Variants in LDLRAD4 observed in about 807,000 individuals in gnomAD.
The protein encoded by LDLRAD4 is low-density lipoprotein receptor class A domain-containing protein 4.
In LDLRAD4, 5 loss-of-function variants were observed where a neutral mutation model predicts 17.0. The observed-to-expected ratio is 0.29, with a 90% CI of 0.15 to 0.62. The LOEUF (loss-of-function observed/expected upper bound fraction) is 0.62, where lower values mean the gene tolerates loss of function less well. Among genes scored for constraint, LDLRAD4 ranks in the 20% least tolerant of loss-of-function variants. LDLRAD4 has a pLI of 0.84. For synonymous variants in LDLRAD4, 168 were observed against 171.8 expected (o/e 0.98, Z 0.17); for missense variants, 340 against 424.7 (o/e 0.80, Z 1.75).
intron 3 of LDLRAD4, among the ~76,000 whole-genome samples, chr18:13,585,011 C>T (rs1284402): frequency 0.93 from 141,299 of 152,302 alleles, 65,579 homozygotes; most frequent in East Asian, 1. Flanking sequence ...ATCTTACACG[C>T]GTCTGAGCTG....
At chr18:13,502,466 G>A (rs1568265906) in intron 3 of LDLRAD4, among the ~76,000 whole-genome samples, 1 of 152,216 alleles carries the variant, frequency 6.6e-6, no homozygotes, top group Non-Finnish European at 1.5e-5. Context: ...TATGAAGTTC[G>A]TACAAGGCAC....
At chr18:13,462,751 G>A (rs2092474631) in intron 3 of LDLRAD4, among the ~76,000 whole-genome samples, 2 of 152,194 alleles carry the variant, frequency 1.3e-5, no homozygotes, top group South Asian at 2.1e-4. Context: ...GGGCGGAGCA[G>A]GGACAGCAAG....
intron 1 of LDLRAD4, among the ~76,000 whole-genome samples, chr18:13,334,648 T>C (rs2082020878): frequency 6.6e-6 from 1 of 152,224 alleles, no homozygotes; most frequent in African/African-American, 2.4e-5. Flanking sequence ...ACAAAGACAG[T>C]TTTATTTCTT....
intron 1 of LDLRAD4, among the ~76,000 whole-genome samples, chr18:13,262,786 G>T (rs1183734824): frequency 1.1e-5 from 1 of 94,932 alleles, no homozygotes; most frequent in Non-Finnish European, 1.9e-5. Flanking sequence ...AGTCCCGTGC[G>T]GCTCTGTGCG....
At chr18:13,339,609 TG>T (rs144329087) in intron 1 of LDLRAD4, among the ~76,000 whole-genome samples, 10,610 of 152,272 alleles carry the variant, frequency 0.07, 988 homozygotes, top group African/African-American at 0.21. Context: ...GTAATGCTGA[TG>T]TTTTTGCTTT....
intron 1 of LDLRAD4, among the ~76,000 whole-genome samples, chr18:13,270,447 A>G (rs1446654008): frequency 6.6e-6 from 1 of 152,198 alleles, no homozygotes; most frequent in Non-Finnish European, 1.5e-5. Context: ...GGCCGGGTCG[A>G]GAGGGCAAAG....
intron 3 of LDLRAD4, among the ~76,000 whole-genome samples, chr18:13,457,816 C>A (rs554387540): frequency 7.2e-5 from 11 of 152,296 alleles, no homozygotes; most frequent in African/African-American, 2.6e-4. Flanking sequence ...GTGCAGTGTG[C>A]TTATTTCAGT....
At chr18:13,629,476 A>T (rs1444866568) in intron 4 of LDLRAD4, among the ~76,000 whole-genome samples, 1 of 152,210 alleles carries the variant, frequency 6.6e-6, no homozygotes, top group Admixed American at 6.5e-5. Context: ...CTGTGCAGTA[A>T]AACTTTTATG....
chr18:13,495,791 G>A lies in LDLRAD4; in HGVS notation c.181+57407G>A, dbSNP rs561491371. The stretch of plus-strand genomic sequence containing the variant: ...TGTACTGAGATGGCGACTGAAACTC[G>A]GAGGATTGTTTCTCTGCCTGGATCA... On this transcript the variant is annotated intron_variant, in intron 3 of 5. Coordinates refer to ENST00000359446, the Ensembl canonical transcript of LDLRAD4. 5.3e-5 allele frequency among the ~76,000 whole-genome samples: 8 copies of A among 152,284 alleles called. No individual in the cohort carries two copies. In the East Asian group the frequency reaches 9.7e-4, roughly 18 times the overall value.
At chr18:13,494,963 G>A (rs1036898360) in intron 3 of LDLRAD4, among the ~76,000 whole-genome samples, 5 of 151,854 alleles carry the variant, frequency 3.3e-5, no homozygotes, top group South Asian at 4.2e-4. Flanking sequence ...AGCGAACCCC[G>A]TTTGCCTTCA....
chr18:13,354,007 T>C lies in LDLRAD4; in HGVS notation c.-382-33334T>C, dbSNP rs79817249. Among the ~76,000 whole-genome samples the C allele has an allele frequency of 4.6e-5, 7 of 152,326 alleles. No individual in the cohort carries two copies. In the East Asian group the frequency reaches 7.7e-4, roughly 17 times the overall value. On this transcript the variant is annotated intron_variant, in intron 1 of 5. Coordinates refer to ENST00000359446, the Ensembl canonical transcript of LDLRAD4. ...TGCTCCAGATAATATTCTTTTTTTT[T>C]CCTAGTTAATACAACAGTGATTTAA...
At chr18:13,303,942 A>C (rs1017091453) in intron 1 of LDLRAD4, among the ~76,000 whole-genome samples, 1 of 152,234 alleles carries the variant, frequency 6.6e-6, no homozygotes, top group African/African-American at 2.4e-5. Flanking sequence ...TCATCTGCAA[A>C]CTATGGCCTG....
intron 1 of LDLRAD4, among the ~76,000 whole-genome samples, chr18:13,230,505 T>A (rs1431086710): frequency 6.6e-6 from 1 of 152,122 alleles, no homozygotes. Flanking sequence ...AGTATATGTA[T>A]ATAATTTATA....
At chr18:13,606,129 C>T (rs1022002774) in intron 3 of LDLRAD4, among the ~76,000 whole-genome samples, 1 of 152,218 alleles carries the variant, frequency 6.6e-6, no homozygotes, top group Non-Finnish European at 1.5e-5. Context: ...CCAGCTCAAC[C>T]TAACACAGGT....
chr18:13,567,915 G>A (rs951868352), intron 3 of LDLRAD4, among the ~76,000 whole-genome samples: 1 of 152,202 alleles, frequency 6.6e-6, no homozygotes, highest in African/African-American at 2.4e-5. Flanking sequence ...TATAGTGGGT[G>A]TCACTGTTAG....
intron 1 of LDLRAD4, among the ~76,000 whole-genome samples, chr18:13,362,772 G>A (rs2083761912): frequency 6.6e-6 from 1 of 152,244 alleles, no homozygotes; most frequent in Admixed American, 6.5e-5. Flanking sequence ...TCTTTGGGTT[G>A]TGGGCAGGAA....
At chr18:13,578,721 T>G (rs2094809605) in intron 3 of LDLRAD4, among the ~76,000 whole-genome samples, 1 of 152,028 alleles carries the variant, frequency 6.6e-6, no homozygotes. Context: ...TTGGAGCAAC[T>G]TTTGTTTTTT....
Position 13,272,573 on chromosome 18 carries a change from G to A in LDLRAD4, c.-466-5532G>A, listed in dbSNP as rs79323496. Reference sequence around the variant, plus strand: ...CCTCCTGGCCGCGTTAGTGTCCCTGGGTATCACCCCATGCCGCGTGCTCCG... The same window carrying A: ...CCTCCTGGCCGCGTTAGTGTCCCTGAGTATCACCCCATGCCGCGTGCTCCG... On this transcript the variant is annotated intron_variant, in intron 1 of 5. Transcript: ENST00000399848. Among the ~76,000 whole-genome samples the A allele has an allele frequency of 3.8e-3, 572 of 152,342 alleles. 29 individuals carry two copies. In the East Asian group the frequency reaches 0.097, roughly 26 times the overall value.
At chr18:13,415,066 G>A (rs1568119537) in intron 2 of LDLRAD4, among the ~76,000 whole-genome samples, 1 of 152,184 alleles carries the variant, frequency 6.6e-6, no homozygotes, top group Non-Finnish European at 1.5e-5. Flanking sequence ...CTTTCTGTGA[G>A]AGTACAGCTG....
Sources: gnomAD v4.1 joint callset for allele counts (sites outside exome capture counted in the v4.1 genomes callset) on GRCh38, gnomAD v4.1.1 for gene constraint, MANE v1.5 for transcripts, NCBI Gene and HGNC (gene_info 2026-07-23, HGNC 2026-07-21) for gene names.